Variants in DIS3L2 observed in about 807,000 individuals in gnomAD.
DIS3L2 encodes the protein DIS3 like 3'-5' exoribonuclease 2, also known as DIS3-like exonuclease 2.
DIS3L2 carries 34 observed loss-of-function variants against 97.5 expected under a neutral mutation model. The observed-to-expected ratio is 0.35, with a 90% CI of 0.27 to 0.46. The LOEUF (loss-of-function observed/expected upper bound fraction) is 0.46, where lower values mean the gene tolerates loss of function less well. Among genes scored for constraint, DIS3L2 ranks in the 20% least tolerant of loss-of-function variants. The pLI is 1.00. For missense variants in DIS3L2, 1,038 were observed against 1,146.0 expected, an observed-to-expected ratio of 0.91 and a Z score of 1.36; for synonymous variants, 435 against 445.2, an observed-to-expected ratio of 0.98 and a Z score of 0.29.
At chr2:232,198,619 C>T (rs1436576374) in intron 9 of DIS3L2, 1 of 152,222 alleles carries the variant, frequency 6.6e-6, no homozygotes, top group African/African-American at 2.4e-5. Flanking sequence ...CGGCTGCCCT[C>T]ATTGCACCCT....
chr2:231,969,247 T>A (rs569678375), intron 1 of DIS3L2, among the ~76,000 whole-genome samples: 81 of 152,240 alleles, frequency 5.3e-4, no homozygotes, highest in African/African-American at 1.8e-3. Flanking sequence ...ATGATTGATT[T>A]TTTTACATTA....
intron 9 of DIS3L2, among the ~76,000 whole-genome samples, chr2:232,193,761 GA>G (rs1691676170): frequency 6.6e-6 from 1 of 152,174 alleles, no homozygotes; most frequent in Non-Finnish European, 1.5e-5. Flanking sequence ...TTGGTACATA[GA>G]CTATTAGGTG....
rs765364862 is a variant in DIS3L2, at chr2:232,238,483, A to G, written c.1205-50A>G. 7 of 1,494,726 alleles carry G rather than the reference A, an allele frequency of 4.7e-6. No homozygotes were observed. In the South Asian group the frequency reaches 5.7e-5, roughly 12 times the overall value. 92.6% of individuals were successfully genotyped at this position (1,494,726 alleles called of 1,614,324 possible). On this transcript the variant is annotated intron_variant, in intron 10 of 20. Coordinates refer to ENST00000325385, the MANE Select transcript of DIS3L2 (RefSeq NM_152383.5). ...TCTAGGAAAGGACTCCTGGGAGAGA[A>G]TGCTGTGGCCTTCCACGCCAGCCTG... is the stretch of plus-strand genomic sequence containing the variant.
chr2:231,999,506 C>T (rs978498678), intron 1 of DIS3L2, among the ~76,000 whole-genome samples: 5 of 152,146 alleles, frequency 3.3e-5, no homozygotes, highest in East Asian at 1.9e-4. Context: ...AGTTCCATTT[C>T]GATTCTAGCC....
At chr2:232,187,377 C>T (rs1250299704) in intron 9 of DIS3L2, among the ~76,000 whole-genome samples, 1 of 152,094 alleles carries the variant, frequency 6.6e-6, no homozygotes, top group Non-Finnish European at 1.5e-5. Context: ...CATAGAGTTA[C>T]CATATGACCT....
rs1258061569 is a variant in DIS3L2 at position 232,333,913 on chromosome 2, T to C, written c.2084T>C (p.Leu695Pro). 6.2e-7 allele frequency: 1 copy of C among 1,612,792 alleles called. No individual in the cohort carries two copies. The highest frequency in any genetic ancestry group is 8.5e-7 in the Non-Finnish European group (1 of 1,179,920). Residue 695 changes from leucine (L) to proline (P), a missense_variant, in exon 17 of 21, where the codon CTG becomes CCG. Coordinates refer to ENST00000325385, the MANE Select transcript of DIS3L2 (RefSeq NM_152383.5). ...QFRHYALNVP[L>P]YTHFTSPIRR... ...CGGCACTACGCGCTCAATGTGCCCC[T>C]GTACACACACTTCACCTCGCCCATC... is the stretch of plus-strand genomic sequence containing the variant.
Position 232,143,203 on chromosome 2 carries a change from C to T in DIS3L2, c.950+6484C>T, listed in dbSNP as rs191427930. ...CTGTAGCTGGTCCCTTTCCTCAGTA[C>T]GTTTTTAATAGGCATATCACCCAGG... On this transcript the variant is annotated intron_variant, in intron 8 of 20. Coordinates refer to ENST00000325385, the MANE Select transcript of DIS3L2 (RefSeq NM_152383.5). 6.6e-5 allele frequency among the ~76,000 whole-genome samples: 10 copies of T among 152,158 alleles called. No homozygotes were observed. The South Asian group carries it at 1.2e-3, about 19-fold the overall frequency.
chr2:232,050,989 G>A (rs959644080), intron 5 of DIS3L2, among the ~76,000 whole-genome samples: 2 of 152,220 alleles, frequency 1.3e-5, no homozygotes, highest in African/African-American at 4.8e-5. Context: ...GAGAGTTTGC[G>A]AAATGAAAAT....
At chr2:231,996,561 GTAGAGAGAATAGTGCA>G (rs1265314166) in intron 1 of DIS3L2, among the ~76,000 whole-genome samples, 4 of 152,216 alleles carry the variant, frequency 2.6e-5, no homozygotes. Context: ...ACACACAAAA[GTAGAGAGAATAGTGCA>G]TTGAGAGAAT....
chr2:232,132,388 A>G (rs142631845), intron 7 of DIS3L2, among the ~76,000 whole-genome samples: 2 of 152,226 alleles, frequency 1.3e-5, no homozygotes, highest in South Asian at 4.1e-4. Flanking sequence ...TTCAGACAAG[A>G]TGGCATAGAC....
chr2:232,081,501 T>A (rs77893051), intron 5 of DIS3L2, among the ~76,000 whole-genome samples: 2,370 of 152,130 alleles, frequency 0.016, 67 homozygotes, highest in African/African-American at 0.055. Flanking sequence ...TTTTTTTCTT[T>A]CTTAATTTAA....
rs1350764621 is a variant in DIS3L2 at position 232,154,265 on chromosome 2, G to A, written c.951-9194G>A. ...TGGTGAGGAACTGCGTTCCTTTGGA[G>A]GAGGAGAGGCGCTCTGCGTTTTAGA... On this transcript the variant is annotated intron_variant, in intron 8 of 20. Transcript: ENST00000325385. Among the ~76,000 whole-genome samples the A allele has an allele frequency of 4.5e-3, 52 of 11,596 alleles. 1 individual carries two copies. The highest frequency in any genetic ancestry group is 0.017 in the Middle Eastern group (2 of 116). 7.6% of individuals were successfully genotyped at this position (11,596 alleles called of 152,430 possible).
chr2:232,263,579 G>C, intron 13 of DIS3L2, 139 bp downstream of exon 13: 1 of 805,320 alleles, frequency 1.2e-6, no homozygotes, highest in Non-Finnish European at 2.0e-6. Context: ...TGTTCTCTGA[G>C]GCCGGCAGGA....
At chr2:232,010,070 T>G (rs536127552) in intron 1 of DIS3L2, among the ~76,000 whole-genome samples, 1 of 152,328 alleles carries the variant, frequency 6.6e-6, no homozygotes, top group South Asian at 2.1e-4. Flanking sequence ...AGCCCCAGGC[T>G]AAAACACCAC....
At chr2:232,159,042 T>A (rs956867653) in intron 8 of DIS3L2, among the ~76,000 whole-genome samples, 2 of 152,178 alleles carry the variant, frequency 1.3e-5, no homozygotes, top group Non-Finnish European at 2.9e-5. Flanking sequence ...AGGTAATAAT[T>A]TAGTCATTTT....
chr2:231,990,404 G>A (rs910610251), intron 1 of DIS3L2, among the ~76,000 whole-genome samples: 1 of 152,166 alleles, frequency 6.6e-6, no homozygotes, highest in East Asian at 1.9e-4. Context: ...AAATTTCAGA[G>A]GGTTGAAAAT....
At chr2:232,126,736 GAT>G (rs1698072515) in intron 6 of DIS3L2, among the ~76,000 whole-genome samples, 1 of 152,224 alleles carries the variant, frequency 6.6e-6, no homozygotes, top group South Asian at 2.1e-4. Flanking sequence ...GAAGAGGCTG[GAT>G]AATTGGGCAG....
At chr2:232,202,882 G>A (rs1259948909) in intron 9 of DIS3L2, among the ~76,000 whole-genome samples, 5 of 152,122 alleles carry the variant, frequency 3.3e-5, no homozygotes, top group Admixed American at 2.0e-4. Flanking sequence ...AACTACCGTC[G>A]AAAAAAAGAA....
chr2:232,327,475 G>A (rs1695610789), intron 14 of DIS3L2, among the ~76,000 whole-genome samples: 1 of 152,238 alleles, frequency 6.6e-6, no homozygotes, highest in South Asian at 2.1e-4. Flanking sequence ...TAGTTTTTAT[G>A]GAGTGAGAGG....
Sources: gnomAD v4.1 joint callset for allele counts (sites outside exome capture counted in the v4.1 genomes callset) on GRCh38, gnomAD v4.1.1 for gene constraint, MANE v1.5 for transcripts, NCBI Gene and HGNC (gene_info 2026-07-23, HGNC 2026-07-21) for gene names.